Variants in REV3L observed in about 807,000 individuals in gnomAD.
REV3L encodes REV3 like, DNA directed polymerase zeta catalytic subunit.
In REV3L, 69 loss-of-function variants were observed where a neutral mutation model predicts 299.4. The ratio of observed to expected loss-of-function variants is 0.23; its 90% CI spans 0.19 to 0.28. The LOEUF (loss-of-function observed/expected upper bound fraction) is 0.28. REV3L is among the 10% of genes least tolerant of loss of function. REV3L has a pLI of 1.00. For synonymous variants in REV3L, 1,238 were observed against 1,271.4 expected (o/e 0.97, Z 0.56); for missense variants, 3,128 against 3,693.8 (o/e 0.85, Z 3.97).
chr6:111,401,793 T>C lies in REV3L; in HGVS notation c.565+3677A>G, dbSNP rs549931760. ...GTGAATATAACATGACATTAGAGCA[T>C]TGCATATAGCATCATTATTTGATAA... On this transcript the variant is annotated intron_variant, in intron 4 of 31. Coordinates refer to ENST00000368802, the MANE Select transcript of REV3L (RefSeq NM_001372078.1). Among the ~76,000 whole-genome samples the C allele has an allele frequency of 3.2e-4, 49 of 152,250 alleles. 3 individuals are homozygous for C. In the South Asian group the frequency reaches 7.3e-3, roughly 23 times the overall value.
At chr6:111,378,386 C>A (rs539091770) in intron 11 of REV3L, among the ~76,000 whole-genome samples, 3 of 152,182 alleles carry the variant, frequency 2.0e-5, no homozygotes, top group African/African-American at 7.2e-5. Context: ...CCTATCCATA[C>A]CCAATTTTTT....
At position 111,373,996 on chromosome 6, in the gene REV3L, T is replaced by C. The variant is rs530828593; in HGVS notation, c.4359A>G (p.Gln1453=). The change falls in exon 13 of 32, where the codon CAA becomes CAG. Residue 1453 remains glutamine, a synonymous_variant. Transcript: ENST00000368802. ...SPGNTASEES[Q]MPNNCFVTSL... is the part of the protein sequence containing the mutation. ...AAGTTACAAAGCAATTATTAGGCAT[T>C]TGGCTTTCCTCTGAAGCTGTATTTC... 6 of 1,614,184 alleles carry C rather than the reference T, an allele frequency of 3.7e-6. No homozygotes were observed. Among genetic ancestry groups the C allele is most frequent in the South Asian group, 3.3e-5 (3 of 91,088 alleles).
rs1470953767 is a variant in REV3L at position 111,373,107 on chromosome 6, G to A, written c.5248C>T (p.Pro1750Ser). 5.6e-6 allele frequency: 9 copies of A among 1,613,930 alleles called. No individual in the cohort carries two copies. The highest frequency in any genetic ancestry group is 7.6e-6 in the Non-Finnish European group (9 of 1,179,992). Residue 1750 changes from proline (P) to serine (S), a missense_variant, in exon 13 of 32, where the codon CCT (proline) becomes TCT (serine). Around this residue, in one of 9 missense-constraint regions of REV3L, gnomAD observed 2,409 missense variants for 2,611.8 expected, o/e 0.92. Transcript: ENST00000368802. ...RHNQWKNSFH[P>S]LTTRSNSIMD... ...ATTGAGTTAGACCGAGTTGTTAGAG[G>A]ATGAAAGCTATTTTTCCACTGGTTG...
At chr6:111,354,905 G>C (rs1777936984) in intron 18 of REV3L, among the ~76,000 whole-genome samples, 1 of 152,174 alleles carries the variant, frequency 6.6e-6, no homozygotes, top group African/African-American at 2.4e-5. Context: ...TGACAGATAA[G>C]GGTACTCTAG....
In REV3L at chr6:111,392,950, T is replaced by A; in HGVS notation, c.588A>T (p.Gly196=). The part of the protein sequence containing the change: ...RRKSNTLHAT[G]SCKNHLSGNS... Reference sequence around the variant, plus strand: ...TTCCTGATAAATGATTCTTGCAGGATCCAGTTGCATGCAATGTATTACCTA... The same window carrying A: ...TTCCTGATAAATGATTCTTGCAGGAACCAGTTGCATGCAATGTATTACCTA... Residue 196 remains glycine (G), a synonymous_variant, in exon 5 of 32, where the codon GGA becomes GGT. Coordinates refer to ENST00000368802, the MANE Select transcript of REV3L (RefSeq NM_001372078.1). 6.2e-7 allele frequency: 1 copy of A among 1,609,532 alleles called. No individual in the cohort carries two copies. Among genetic ancestry groups the A allele is most frequent in the South Asian group, 1.1e-5 (1 of 90,996 alleles).
Position 111,376,280 on chromosome 6 carries a change from T to C in REV3L, c.2075A>G (p.His692Arg). 1.9e-6 allele frequency: 3 copies of C among 1,613,928 alleles called. No homozygotes were observed. The highest frequency in any genetic ancestry group is 1.7e-6 in the Non-Finnish European group (2 of 1,179,936). ...ATTCTCGTTAGGGTGACGGTGCATA[T>C]GTATAAAAGGGGAATCCTTTTCGAT... ...RKIEKDSPFI[H>R]MHRHPNENTL... Residue 692 changes from histidine (H) to arginine (R), a missense_variant, in exon 13 of 32, where the codon CAT (histidine) becomes CGT (arginine). By Grantham distance (29) the His-to-Arg change is conservative (BLOSUM62 0). Coordinates refer to ENST00000368802, the MANE Select transcript of REV3L (RefSeq NM_001372078.1).
intron 1 of REV3L, chr6:111,430,610 C>T (rs1412346380): frequency 6.5e-7 from 1 of 1,530,456 alleles, no homozygotes; most frequent in Middle Eastern, 1.9e-4. Flanking sequence ...GAACAGACAC[C>T]TCGCAGAGTG....
At chr6:111,481,985 C>T (rs1042258712) in intron 1 of REV3L, among the ~76,000 whole-genome samples, 4 of 152,218 alleles carry the variant, frequency 2.6e-5, no homozygotes, top group African/African-American at 9.7e-5. Context: ...CTGAGTCTGG[C>T]TGTGGTTCCT....
intron 18 of REV3L, among the ~76,000 whole-genome samples, chr6:111,356,042 C>A (rs1778056959): frequency 6.6e-6 from 1 of 152,024 alleles, no homozygotes; most frequent in Non-Finnish European, 1.5e-5. Context: ...TTTATGTTAA[C>A]CCATCTGGGA....
rs145135028 is a variant in REV3L, at chr6:111,375,493, A to T, written c.2862T>A (p.Ser954Arg). The change falls in exon 13 of 32, where the codon AGT becomes AGA. Residue 954 changes from serine to arginine, a missense_variant. By Grantham distance (110) the Ser-to-Arg change is moderately radical (BLOSUM62 -1). Around this residue, in one of 9 missense-constraint regions of REV3L, gnomAD observed 2,409 missense variants for 2,611.8 expected, o/e 0.92. Coordinates refer to ENST00000368802, the MANE Select transcript of REV3L (RefSeq NM_001372078.1). ...TTCGGGATTTGAGAGTTCCATCTAA[A>T]CTTTCACCAATTTCCATGGGATGAG... The part of the protein sequence containing the change: ...SLPHPMEIGE[S>R]LDGTLKSRKR... 4 of 1,607,246 alleles carry T rather than the reference A, an allele frequency of 2.5e-6. No individual in the cohort carries two copies. The African/African-American group carries it at 5.4e-5, about 22-fold the overall frequency.
intron 23 of REV3L, among the ~76,000 whole-genome samples, chr6:111,332,871 G>T (rs1284177721): frequency 3.9e-5 from 6 of 152,122 alleles, no homozygotes; most frequent in Admixed American, 1.3e-4. Context: ...GTTACATATG[G>T]AGTGAAACAG....
intron 4 of REV3L, among the ~76,000 whole-genome samples, chr6:111,397,769 T>C (rs901500818): frequency 6.6e-6 from 1 of 151,942 alleles, no homozygotes; most frequent in Admixed American, 6.6e-5. Context: ...CCTGAGTAGC[T>C]GAGACCACAG....
intron 1 of REV3L, among the ~76,000 whole-genome samples, chr6:111,449,227 A>ACGGGAAACAAACATTGTAAGTCCTT (rs1160007776): frequency 1.3e-5 from 2 of 152,202 alleles, no homozygotes; most frequent in African/African-American, 4.8e-5. Context: ...TCCCTGAGAG[A>ACGGGAAACAAACATTGTAAGTCCTT]CGGGAAACAA....
At chr6:111,410,958 G>C (rs1009570435) in intron 3 of REV3L, among the ~76,000 whole-genome samples, 3 of 152,068 alleles carry the variant, frequency 2.0e-5, no homozygotes, top group Non-Finnish European at 2.9e-5. Context: ...GCCCTTCCCT[G>C]CCCTCCAGGA....
chr6:111,478,776 G>C (rs572036518), intron 1 of REV3L, among the ~76,000 whole-genome samples: 22 of 152,220 alleles, frequency 1.4e-4, no homozygotes, highest in African/African-American at 5.3e-4. Context: ...TGAAAAGCTT[G>C]ATTTCATGGC....
intron 1 of REV3L, among the ~76,000 whole-genome samples, chr6:111,449,166 T>C (rs912501282): frequency 5.3e-5 from 8 of 152,280 alleles, no homozygotes; most frequent in African/African-American, 1.9e-4. Context: ...CAGAAAAGCA[T>C]GTAAATCAAT....
At position 111,374,585 on chromosome 6, in the gene REV3L, C is replaced by A; in HGVS notation, c.3770G>T (p.Gly1257Val). Residue 1257 changes from glycine (G) to valine (V), a missense_variant, in exon 13 of 32, where the codon GGC becomes GTC. By Grantham distance (109) the Gly-to-Val change is moderately radical. This residue lies in a region of REV3L where 2,409 missense variants were observed against 2,611.8 expected (regional missense o/e 0.92). Coordinates refer to ENST00000368802, the MANE Select transcript of REV3L (RefSeq NM_001372078.1). ...TTTCTGTTTAAAAAGTAGTTGAGAG[C>A]CTCCAGAACTACTTGCAAATTCAGA... ...NVSEFASSSG[G>V]SQLLFKQKDM... 6.2e-7 allele frequency: 1 copy of A among 1,613,752 alleles called. No homozygotes were observed. Among genetic ancestry groups the A allele is most frequent in the Non-Finnish European group, 8.5e-7 (1 of 1,179,892 alleles).
At chr6:111,449,763 T>C (rs1026705358) in intron 1 of REV3L, among the ~76,000 whole-genome samples, 2 of 151,828 alleles carry the variant, frequency 1.3e-5, no homozygotes, top group Non-Finnish European at 2.9e-5. Flanking sequence ...TTTCTAAAAA[T>C]ACAATGATAT....
rs369201333 is a variant in REV3L, at chr6:111,396,910, A to G, written c.566-3938T>C. Among the ~76,000 whole-genome samples the G allele has an allele frequency of 3.9e-5, 6 of 152,198 alleles. 1 individual carries two copies. The highest frequency in any genetic ancestry group is 1.4e-4 in the African/African-American group (6 of 41,538). On this transcript the variant is annotated intron_variant, in intron 4 of 31. Transcript: ENST00000368802. The stretch of plus-strand genomic sequence containing the variant: ...GTACACATTCCCTCTAGGTTTCCCA[A>G]CTTGTTCACATATAGTTGTTCATGA...
Sources: allele counts gnomAD v4.1 joint callset (sites outside exome capture counted in the v4.1 genomes callset), GRCh38; gene constraint gnomAD v4.1.1; regional missense constraint gnomAD v4.1.1; transcripts MANE v1.5; gene names NCBI Gene and HGNC (gene_info 2026-07-23, HGNC 2026-07-21).